PAPLN: variants seen among roughly 807,000 people sequenced by gnomAD.
The protein encoded by PAPLN is papilin.
A neutral mutation model predicts 159.0 loss-of-function variants in PAPLN; 146 were observed. The observed-to-expected ratio is 0.92, with a 90% CI of 0.80 to 1.05. PAPLN has a LOEUF of 1.05. Among genes scored for constraint, PAPLN ranks in the 50% least tolerant of loss-of-function variants. The pLI is 0.00. For missense variants in PAPLN, 1,720 were observed against 1,743.9 expected, an observed-to-expected ratio of 0.99 and a Z score of 0.24; for synonymous variants, 734 against 702.9, an observed-to-expected ratio of 1.04 and a Z score of -0.70.
In PAPLN at chr14:73,253,859, C is replaced by T. The variant is rs769828903; in HGVS notation, c.1200C>T (p.Ala400=). 7.4e-6 allele frequency: 12 copies of T among 1,613,476 alleles called. No individual in the cohort carries two copies. The highest frequency in any genetic ancestry group is 2.7e-5 in the African/African-American group (2 of 74,924). The change falls in exon 12 of 27, where the codon GCC becomes GCT. Residue 400 remains alanine, a synonymous_variant. Transcript: ENST00000644200. ...CTGACGGGGCCGGCATCCAGGAGGC[C>T]GTGGAGGAGGCTGAGTGTGCCGGGC... ...ISSDGAGIQE[A]VEEAECAGLP...
intron 17 of PAPLN, 51 bp from the exon 18 acceptor site, chr14:73,261,105 A>C: frequency 6.2e-7 from 1 of 1,613,794 alleles, no homozygotes; most frequent in South Asian, 1.1e-5. Flanking sequence ...CAGAGTCCCC[A>C]ACAATGGCCA....
rs748451354 is a variant in PAPLN, at chr14:73,264,688, G to C, written c.3087G>C (p.Leu1029=). 1.9e-6 allele frequency: 3 copies of C among 1,611,804 alleles called. No homozygotes were observed. The highest frequency in any genetic ancestry group is 2.7e-5 in the African/African-American group (2 of 74,782). ...GCCAAGCGGGGGCTGCTGGGCCCCT[G>C]GGGGCCATCCCCTCTTCACACCCAC... ...DFGQAGAAGP[L]GAIPSSHPQP... The change falls in exon 22 of 27, where the codon CTG becomes CTC. Residue 1029 remains leucine, a synonymous_variant. Transcript: ENST00000644200.
chr14:73,258,301 G>A (rs79508474), intron 14 of PAPLN, among the ~76,000 whole-genome samples: 2,145 of 152,114 alleles, frequency 0.014, 45 homozygotes, highest in African/African-American at 0.047. Flanking sequence ...ATCTTTTTAC[G>A]TGTTTGTTGG....
chr14:73,260,735 C>A lies in PAPLN; in HGVS notation c.2012C>A (p.Ser671Tyr). The A allele has an allele frequency of 6.8e-7, 1 of 1,474,452 alleles. No homozygotes were observed. The highest frequency in any genetic ancestry group is 9.0e-7 in the Non-Finnish European group (1 of 1,117,002). 91.3% of individuals were successfully genotyped at this position (1,474,452 alleles called of 1,614,324 possible). A position where few individuals can be genotyped will look rare whatever the true frequency, so the allele number is the denominator to read the frequency against. Residue 671 changes from serine (S) to tyrosine (Y), a missense_variant, in exon 17 of 27, where the codon TCT (serine) becomes TAT (tyrosine). Physicochemically the swap from Ser to Tyr is moderately radical, Grantham distance 144. Coordinates refer to ENST00000644200, the MANE Select transcript of PAPLN (RefSeq NM_001365906.3). ...TACGGGTGCTGCCCTGACAGGGTATCTGTCGCTGAGGGGCCCCATCACGCT... is the reference window on the plus strand; with the variant it reads ...TACGGGTGCTGCCCTGACAGGGTATATGTCGCTGAGGGGCCCCATCACGCT... The part of the protein sequence containing the change: ...SRYGCCPDRV[S>Y]VAEGPHHAGC...
rs868279338 is a variant in PAPLN, at chr14:73,254,781, C to T, written c.1485+86C>T. ...CCGAGCGCCGTCCTTGGACCTGACA[C>T]GCGCCACTGGGCACCTTCCCCTGCC... On this transcript the variant is annotated intron_variant, in intron 13 of 26. Coordinates refer to ENST00000644200, the MANE Select transcript of PAPLN (RefSeq NM_001365906.3). 50 of 1,588,898 alleles carry T rather than the reference C, an allele frequency of 3.1e-5. No individual in the cohort carries two copies. In the Middle Eastern group the frequency reaches 2.0e-3, roughly 63 times the overall value.
chr14:73,239,673 A>G (rs1270884697), intron 1 of PAPLN, 100 bp from the exon 2 acceptor site: 1 of 1,488,860 alleles, frequency 6.7e-7, no homozygotes, highest in South Asian at 1.3e-5. Context: ...TCTCCTGGTC[A>G]CCTGTGGGCC....
intron 11 of PAPLN, 117 bp downstream of exon 11, chr14:73,252,892 C>T: frequency 1.3e-6 from 2 of 1,488,752 alleles, no homozygotes; most frequent in South Asian, 1.3e-5. Context: ...CAGGGCCCCC[C>T]ACGCTGTGGC....
chr14:73,261,561 C>T (rs1040935901), intron 18 of PAPLN, among the ~76,000 whole-genome samples: 10 of 152,210 alleles, frequency 6.6e-5, no homozygotes, highest in African/African-American at 9.6e-5. Context: ...GAGGCAGTCT[C>T]GTGCTTGGGA....
In PAPLN at chr14:73,250,027, CT is replaced by C; in HGVS notation, c.380del (p.Phe127SerfsTer77). The C allele has an allele frequency of 3.7e-6, 6 of 1,613,190 alleles. No individual in the cohort carries two copies. The highest frequency in any genetic ancestry group is 4.2e-6 in the Non-Finnish European group (5 of 1,179,616). ...ELNCIPKGEN[F>X]YYKHREAVVD... ...TGAACTGCATTCCCAAGGGGGAGAA[CT>C]TCTACTACAAGCACAGGGAGGCTGT... On this transcript the variant is annotated frameshift_variant, in exon 6 of 27. Coordinates refer to ENST00000644200, the MANE Select transcript of PAPLN (RefSeq NM_001365906.3). LOFTEE classifies it high-confidence loss of function.
chr14:73,258,662 TGAAGTG>T (rs1886206774), intron 14 of PAPLN, among the ~76,000 whole-genome samples: 1 of 142,534 alleles, frequency 7.0e-6, no homozygotes, highest in African/African-American at 2.6e-5. Flanking sequence ...CTCAGGGGGC[TGAAGTG>T]GGAGGATCAC....
intron 14 of PAPLN, among the ~76,000 whole-genome samples, chr14:73,256,613 C>G (rs1052277202): frequency 6.6e-6 from 1 of 150,764 alleles, no homozygotes; most frequent in African/African-American, 2.4e-5. Context: ...TTTTAAATAT[C>G]CCTGGGGGCT....
intron 26 of PAPLN, chr14:73,272,276 G>T: frequency 2.5e-6 from 1 of 405,630 alleles, no homozygotes; most frequent in Admixed American, 4.1e-5. Context: ...AATAATGGGA[G>T]GACCACTGCA....
intron 2 of PAPLN, 87 bp downstream of exon 2, chr14:73,239,919 G>C: frequency 6.8e-7 from 1 of 1,469,338 alleles, no homozygotes; most frequent in Non-Finnish European, 9.0e-7. Context: ...ACGTCCCCAG[G>C]AAAGGGGCGA....
chr14:73,248,256 T>G (rs1254318610), intron 5 of PAPLN, among the ~76,000 whole-genome samples: 1 of 147,540 alleles, frequency 6.8e-6, no homozygotes, highest in Non-Finnish European at 1.5e-5. Context: ...TCTATGTGTG[T>G]GTGTGTGTGT....
At position 73,265,528 on chromosome 14, in the gene PAPLN, C is replaced by T. The variant is rs1887133537; in HGVS notation, c.3263+21C>T. 1 of 1,610,986 alleles carries T rather than the reference C, an allele frequency of 6.2e-7. No individual in the cohort carries two copies. The highest frequency in any genetic ancestry group is 8.5e-7 in the Non-Finnish European group (1 of 1,178,426). On this transcript the variant is annotated intron_variant, in intron 23 of 26. Coordinates refer to ENST00000644200, the MANE Select transcript of PAPLN (RefSeq NM_001365906.3). The surrounding 1 kb of genome is among the most constrained non-coding windows in gnomAD (Gnocchi z 4.1). The stretch of plus-strand genomic sequence containing the variant: ...CCCAGGTTTATTTGACTCCTCTCCC[C>T]TTCCTCCTATTCTGCCTCCAGCCCC...
rs1478938429 is a variant in PAPLN at position 73,262,496 on chromosome 14, C to G, written c.2392C>G (p.Gln798Glu). ...CAATGCCAATAACTTTGCCTCGGAGCAAGAGTGCATGAGCAGCTGCCAGGG... is the reference window on the plus strand; with the variant it reads ...CAATGCCAATAACTTTGCCTCGGAGGAAGAGTGCATGAGCAGCTGCCAGGG... ...HGNANNFASE[Q>E]ECMSSCQGSL... The change falls in exon 19 of 27, where the codon CAA becomes GAA. Residue 798 changes from glutamine to glutamate, a missense_variant. Coordinates refer to ENST00000644200, the MANE Select transcript of PAPLN (RefSeq NM_001365906.3). 2 of 1,593,220 alleles carry G rather than the reference C, an allele frequency of 1.3e-6. No individual in the cohort carries two copies. The highest frequency in any genetic ancestry group is 1.7e-6 in the Non-Finnish European group (2 of 1,169,582).
At chr14:73,266,953 T>A in intron 25 of PAPLN, 122 bp downstream of exon 25, 2 of 942,918 alleles carry the variant, frequency 2.1e-6, no homozygotes, top group Non-Finnish European at 3.3e-6. Flanking sequence ...CCAGGCCTGG[T>A]GCCAGGGGAG....
At chr14:73,256,649 C>A (rs577053645) in intron 14 of PAPLN, among the ~76,000 whole-genome samples, 2 of 152,144 alleles carry the variant, frequency 1.3e-5, no homozygotes, top group East Asian at 3.9e-4. Flanking sequence ...TGCCTGTAAT[C>A]CCAGCACTTT....
chr14:73,266,943 C>T, intron 25 of PAPLN, 112 bp downstream of exon 25: 1 of 1,061,056 alleles, frequency 9.4e-7, no homozygotes, highest in Middle Eastern at 2.6e-4. Context: ...ATTCCGGCTT[C>T]CAGGCCTGGT....
Sources: allele counts gnomAD v4.1 joint callset (sites outside exome capture counted in the v4.1 genomes callset), GRCh38; gene constraint gnomAD v4.1.1; non-coding constraint Gnocchi (gnomAD v3.1); transcripts MANE v1.5; gene names NCBI Gene and HGNC (gene_info 2026-07-23, HGNC 2026-07-21).